CPPED1: variants seen among roughly 807,000 people sequenced by gnomAD.
CPPED1 encodes calcineurin like phosphoesterase domain containing 1, also known as serine/threonine-protein phosphatase CPPED1.
A neutral mutation model predicts 28.0 loss-of-function variants in CPPED1; 28 were observed. That is an observed-to-expected ratio of 1.00 (90% CI 0.74 to 1.37). The LOEUF (loss-of-function observed/expected upper bound fraction) is 1.37. Among genes scored for constraint, CPPED1 ranks in the 40% most tolerant of loss-of-function variants. The probability of loss-of-function intolerance (pLI) is 0.00; values close to 1 mark genes in which losing one functional copy is unlikely to be tolerated. For synonymous variants in CPPED1, 198 were observed against 180.2 expected (o/e 1.10, Z -0.79); for missense variants, 504 against 416.5 (o/e 1.21, Z -1.83).
chr16:12,692,107 G>A (rs527631986), intron 3 of CPPED1, among the ~76,000 whole-genome samples: 14 of 152,222 alleles, frequency 9.2e-5, no homozygotes, highest in African/African-American at 1.2e-4. Context: ...GCCTGCCTCG[G>A]CCTCCCAAAG....
intron 1 of CPPED1, among the ~76,000 whole-genome samples, chr16:12,784,208 A>C (rs1395047455): frequency 6.6e-6 from 1 of 152,240 alleles, no homozygotes; most frequent in East Asian, 1.9e-4. Context: ...CAATGTGCTG[A>C]GGAACAGAGG....
intron 3 of CPPED1, among the ~76,000 whole-genome samples, chr16:12,685,200 C>G (rs1210316476): frequency 6.6e-6 from 1 of 152,224 alleles, no homozygotes; most frequent in African/African-American, 2.4e-5. Flanking sequence ...CCTGCAATCC[C>G]AGCACTTTGG....
intron 1 of CPPED1, among the ~76,000 whole-genome samples, chr16:12,789,364 G>C (rs2080582800): frequency 6.6e-6 from 1 of 152,172 alleles, no homozygotes; most frequent in Admixed American, 6.5e-5. Flanking sequence ...AATCTACAAA[G>C]GCTAAGGGGC....
chr16:12,803,886 T>TGGGGG lies in CPPED1; in HGVS notation c.-111_-110insCCCCC. The TGGGGG allele has an allele frequency of 1.4e-6, 1 of 698,074 alleles. No individual in the cohort carries two copies. The highest frequency in any genetic ancestry group is 2.2e-6 in the Non-Finnish European group (1 of 462,346). 43.2% of individuals were successfully genotyped at this position (698,074 alleles called of 1,614,324 possible). ...CCGCTTTGGGCGACGCCCTTTGATCTCGGGGCGGGACTGGGGCGGGACGGG... is the reference window on the plus strand; with the variant it reads ...CCGCTTTGGGCGACGCCCTTTGATCTGGGGGCGGGGCGGGACTGGGGCGGGACGGG... On this transcript the variant is annotated 5_prime_UTR_variant, in exon 1 of 4. Coordinates refer to ENST00000381774, the MANE Select transcript of CPPED1 (RefSeq NM_018340.3).
chr16:12,700,943 G>A (rs977592457), intron 3 of CPPED1, among the ~76,000 whole-genome samples: 41 of 152,096 alleles, frequency 2.7e-4, no homozygotes, highest in African/African-American at 9.9e-4. Flanking sequence ...AAGTTGAGTG[G>A]GAGGCGGGAT....
chr16:12,691,631 C>G (rs2079963301), intron 3 of CPPED1, among the ~76,000 whole-genome samples: 1 of 152,026 alleles, frequency 6.6e-6, no homozygotes, highest in South Asian at 2.1e-4. Context: ...TACTATGCAG[C>G]CATAAAAAAT....
intron 2 of CPPED1, among the ~76,000 whole-genome samples, chr16:12,766,184 G>T (rs2080436776): frequency 6.7e-6 from 1 of 150,092 alleles, no homozygotes; most frequent in Non-Finnish European, 1.5e-5. Context: ...CCTTAGGTCA[G>T]GAGTTCGAGA....
chr16:12,752,772 G>A (rs972064059), intron 2 of CPPED1, among the ~76,000 whole-genome samples: 5 of 147,590 alleles, frequency 3.4e-5, no homozygotes, highest in Non-Finnish European at 7.5e-5. Flanking sequence ...AAAACATTTG[G>A]AGCTAGTAGA....
intron 1 of CPPED1, among the ~76,000 whole-genome samples, chr16:12,798,964 A>G (rs1394310405): frequency 1.3e-5 from 2 of 152,206 alleles, no homozygotes; most frequent in African/African-American, 4.8e-5. Flanking sequence ...TTATGTTAAC[A>G]GGGAACGGAT....
chr16:12,679,546 T>C (rs1197691476), intron 3 of CPPED1, among the ~76,000 whole-genome samples: 1 of 152,202 alleles, frequency 6.6e-6, no homozygotes, highest in Non-Finnish European at 1.5e-5. Flanking sequence ...TAGATATAGA[T>C]CTAAAGAAAC....
intron 2 of CPPED1, among the ~76,000 whole-genome samples, chr16:12,714,545 T>C (rs919941490): frequency 2.0e-5 from 3 of 152,250 alleles, no homozygotes; most frequent in African/African-American, 7.2e-5. Context: ...CTAATGATGC[T>C]AAACATTTGT....
chr16:12,737,924 A>T lies in CPPED1; in HGVS notation c.290-32875T>A, dbSNP rs530428679. Among the ~76,000 whole-genome samples the T allele has an allele frequency of 9.8e-5, 15 of 152,292 alleles. No homozygotes were observed. The East Asian group carries it at 2.7e-3, about 27-fold the overall frequency. On this transcript the variant is annotated intron_variant, in intron 2 of 3. Transcript: ENST00000381774. Reference sequence around the variant, plus strand: ...ACCGAGGAATCCGGTCATTTTTTAAAGTATAAAAATTGCCAGCATCCTGTT... The same window carrying T: ...ACCGAGGAATCCGGTCATTTTTTAATGTATAAAAATTGCCAGCATCCTGTT...
chr16:12,680,805 G>A (rs1164993494), intron 3 of CPPED1, among the ~76,000 whole-genome samples: 1 of 152,146 alleles, frequency 6.6e-6, no homozygotes, highest in African/African-American at 2.4e-5. Flanking sequence ...TCACTGTGAT[G>A]GGTCCACGTG....
chr16:12,674,044 G>A (rs529895549), intron 3 of CPPED1, among the ~76,000 whole-genome samples: 3 of 152,166 alleles, frequency 2.0e-5, no homozygotes, highest in South Asian at 2.1e-4. Flanking sequence ...GCAAGACCCT[G>A]TCTCAAAATA....
intron 3 of CPPED1, among the ~76,000 whole-genome samples, chr16:12,697,917 G>C (rs1478355489): frequency 4.6e-5 from 7 of 152,226 alleles, no homozygotes; most frequent in Non-Finnish European, 8.8e-5. Context: ...TTTGCGACCA[G>C]CCTGGCCAAT....
intron 2 of CPPED1, among the ~76,000 whole-genome samples, chr16:12,745,686 G>A (rs1335554603): frequency 6.6e-6 from 1 of 152,230 alleles, no homozygotes; most frequent in Non-Finnish European, 1.5e-5. Flanking sequence ...CGGGAGGGTG[G>A]GAGGAGAGAG....
intron 2 of CPPED1, among the ~76,000 whole-genome samples, chr16:12,770,924 T>C (rs1232346659): frequency 6.6e-6 from 1 of 151,852 alleles, no homozygotes; most frequent in African/African-American, 2.4e-5. Flanking sequence ...AGGGTGAGCA[T>C]GCTGACATTG....
At chr16:12,755,636 T>C (rs1203598780) in intron 2 of CPPED1, among the ~76,000 whole-genome samples, 1 of 152,198 alleles carries the variant, frequency 6.6e-6, no homozygotes, top group African/African-American at 2.4e-5. Flanking sequence ...ATTTTTGTGA[T>C]AGATATAAAT....
chr16:12,771,463 T>A (rs899991311), intron 2 of CPPED1, among the ~76,000 whole-genome samples: 5 of 152,182 alleles, frequency 3.3e-5, no homozygotes, highest in Middle Eastern at 3.2e-3. Flanking sequence ...TACACACCAA[T>A]ACGGACACAC....
Sources: allele counts gnomAD v4.1 joint callset (sites outside exome capture counted in the v4.1 genomes callset), GRCh38; gene constraint gnomAD v4.1.1; transcripts MANE v1.5; gene names NCBI Gene and HGNC (gene_info 2026-07-23, HGNC 2026-07-21).